The following VPS13A variants were observed in gnomAD, a reference collection of about 807,000 sequenced individuals.
The protein encoded by VPS13A is intermembrane lipid transfer protein VPS13A.
VPS13A carries 264 observed loss-of-function variants against 390.9 expected under a neutral mutation model. The ratio of observed to expected loss-of-function variants is 0.68; its 90% confidence interval spans 0.61 to 0.75. The LOEUF is 0.75. VPS13A is among the 30% of genes least tolerant of loss of function. The pLI, the probability that VPS13A is intolerant of heterozygous loss-of-function variation, is 0.00. For missense variants in VPS13A, 3,409 were observed against 3,733.9 expected (o/e 0.91, Z 2.27); for synonymous variants, 1,231 against 1,227.1 (o/e 1.00, Z -0.07).
intron 54 of VPS13A, among the ~76,000 whole-genome samples, chr9:77,354,757 G>GA (rs773895315): frequency 6.6e-6 from 1 of 151,920 alleles, no homozygotes; most frequent in Non-Finnish European, 1.5e-5. Flanking sequence ...CCACTTCACT[G>GA]AAAAAATTGA....
intron 68 of VPS13A, 139 bp downstream of exon 68, chr9:77,382,226 T>A: frequency 7.1e-7 from 1 of 1,406,318 alleles, no homozygotes; most frequent in Non-Finnish European, 9.4e-7. Context: ...TTATATTTAC[T>A]TAGATTTTAA....
chr9:77,356,693 A>G (rs2131553620), intron 54 of VPS13A, 21 bp from the exon 55 acceptor site: 1 of 1,588,130 alleles, frequency 6.3e-7, no homozygotes, highest in South Asian at 1.1e-5. Flanking sequence ...AAATACTATG[A>G]TTTTTGCTTT....
chr9:77,239,400 TA>T lies in VPS13A; in HGVS notation c.1900+1024del, dbSNP rs147105811. On this transcript the variant is annotated intron_variant, in intron 19 of 71. Transcript: ENST00000360280. Reference sequence around the variant, plus strand: ...CACCAAAAGTAATAATAATAAAAATTAAAAAAAAAATAAATTTTAAGACTGT... The same window carrying T: ...CACCAAAAGTAATAATAATAAAAATTAAAAAAAAATAAATTTTAAGACTGT... Among the ~76,000 whole-genome samples, 299 of 149,368 alleles carry T rather than the reference TA, an allele frequency of 2.0e-3. 1 individual carries two copies. Among genetic ancestry groups the T allele is most frequent in the African/African-American group, 6.6e-3 (268 of 40,786 alleles).
chr9:77,212,633 A>C (rs894385312), intron 7 of VPS13A, among the ~76,000 whole-genome samples: 20 of 152,094 alleles, frequency 1.3e-4, no homozygotes, highest in Non-Finnish European at 2.5e-4. Context: ...ACTGCACCCA[A>C]TGATACCTGC....
chr9:77,194,105 G>A (rs1824845888), intron 1 of VPS13A, among the ~76,000 whole-genome samples: 2 of 152,086 alleles, frequency 1.3e-5, no homozygotes, highest in South Asian at 4.2e-4. Context: ...GGGTGGTAAG[G>A]CCTGCATATA....
At chr9:77,260,358 T>A in intron 23 of VPS13A, 134 bp downstream of exon 23, 1 of 890,320 alleles carries the variant, frequency 1.1e-6, no homozygotes, top group Admixed American at 3.1e-5. Flanking sequence ...TTACTTTTTT[T>A]TTTTTTTTTT....
intron 50 of VPS13A, 135 bp from the exon 51 acceptor site, chr9:77,344,018 C>A: frequency 1.2e-6 from 1 of 801,522 alleles, no homozygotes; most frequent in Non-Finnish European, 1.9e-6. Flanking sequence ...GCTGTTTAAA[C>A]AACCCAATAA....
intron 68 of VPS13A, among the ~76,000 whole-genome samples, chr9:77,394,304 C>T (rs992393089): frequency 2.6e-5 from 4 of 151,672 alleles, no homozygotes; most frequent in Non-Finnish European, 5.9e-5. Flanking sequence ...TGTGCTCAAG[C>T]GATCCGCCCA....
chr9:77,377,203 GTTTTTTTTTT>G (rs61562443), intron 67 of VPS13A, among the ~76,000 whole-genome samples: 3 of 69,050 alleles, frequency 4.3e-5, no homozygotes, highest in South Asian at 6.1e-4. Context: ...TTTTGATGCT[GTTTTTTTTTT>G]TTTTTTTTTT....
chr9:77,304,559 A>G (rs896456721), intron 34 of VPS13A, among the ~76,000 whole-genome samples: 2 of 152,232 alleles, frequency 1.3e-5, no homozygotes, highest in African/African-American at 4.8e-5. Context: ...TGTCACCAGC[A>G]TATAGATGGC....
At chr9:77,199,205 A>G (rs1018917646) in intron 1 of VPS13A, among the ~76,000 whole-genome samples, 2 of 151,944 alleles carry the variant, frequency 1.3e-5, no homozygotes, top group Non-Finnish European at 2.9e-5. Context: ...AACATAATTA[A>G]TATTAACATC....
At chr9:77,402,329 T>C (rs568897624) in intron 68 of VPS13A, among the ~76,000 whole-genome samples, 85 of 152,334 alleles carry the variant, frequency 5.6e-4, no homozygotes, top group African/African-American at 1.9e-3. Flanking sequence ...ACTTCTTAGC[T>C]TTCTTCTAAG....
chr9:77,263,306 A>G (rs570530480), intron 23 of VPS13A, among the ~76,000 whole-genome samples: 79 of 151,866 alleles, frequency 5.2e-4, no homozygotes, highest in Non-Finnish European at 1.0e-3. Flanking sequence ...ATGGGGTTTC[A>G]CCATTTTAGC....
At chr9:77,308,187 C>A in intron 35 of VPS13A, 89 bp downstream of exon 35, 2 of 1,372,376 alleles carry the variant, frequency 1.5e-6, no homozygotes, top group African/African-American at 1.4e-5. Context: ...CTGTCTTTTC[C>A]CTCCTTCCTC....
chr9:77,180,599 G>GGT (rs1326124141), intron 1 of VPS13A, among the ~76,000 whole-genome samples: 1 of 152,102 alleles, frequency 6.6e-6, no homozygotes, highest in Non-Finnish European at 1.5e-5. Flanking sequence ...TTTTGTATAA[G>GGT]GTGTGTGATA....
chr9:77,312,290 T>C (rs1402929545), intron 35 of VPS13A, among the ~76,000 whole-genome samples: 3 of 152,176 alleles, frequency 2.0e-5, no homozygotes, highest in African/African-American at 7.2e-5. Flanking sequence ...ATGTATCTTT[T>C]ATCCAGAGTA....
intron 68 of VPS13A, among the ~76,000 whole-genome samples, chr9:77,400,249 G>C (rs575121462): frequency 1.8e-5 from 1 of 55,894 alleles, no homozygotes. Context: ...TTTTTTTGCT[G>C]AACTACCTTT....
chr9:77,258,677 A>G (rs1459811547), intron 22 of VPS13A, among the ~76,000 whole-genome samples: 7 of 152,150 alleles, frequency 4.6e-5, no homozygotes, highest in African/African-American at 1.7e-4. Flanking sequence ...AAAAGGCTTA[A>G]TTCTTTTCAT....
At chr9:77,205,277 T>A in intron 3 of VPS13A, 36 bp from the exon 4 acceptor site, 1 of 1,223,666 alleles carries the variant, frequency 8.2e-7, no homozygotes. Context: ...AGGAGTAATA[T>A]TTTTTGTCCT....
Sources: gnomAD v4.1 joint callset for allele counts (sites outside exome capture counted in the v4.1 genomes callset) on GRCh38, gnomAD v4.1.1 for gene constraint, MANE v1.5 for transcripts, NCBI Gene and HGNC (gene_info 2026-07-23, HGNC 2026-07-21) for gene names.